Variants in HSF2BP observed in about 807,000 individuals in gnomAD.
HSF2BP encodes heat shock transcription factor 2 binding protein.
HSF2BP carries 35 observed loss-of-function variants against 35.0 expected under a neutral mutation model. That is an observed-to-expected ratio of 1.00 (90% CI 0.76 to 1.32). The LOEUF (loss-of-function observed/expected upper bound fraction) is 1.32, where lower values mean the gene tolerates loss of function less well. Ranked by LOEUF, HSF2BP falls within the 40% of genes most tolerant of loss-of-function variation. The probability of loss-of-function intolerance (pLI) is 0.00; values close to 1 mark genes in which losing one functional copy is unlikely to be tolerated. For missense variants in HSF2BP, 326 were observed against 321.7 expected (o/e 1.01, Z -0.10); for synonymous variants, 114 against 117.4 (o/e 0.97, Z 0.18).
At chr21:43,601,340 G>C (rs927506008) in intron 7 of HSF2BP, among the ~76,000 whole-genome samples, 2 of 152,086 alleles carry the variant, frequency 1.3e-5, no homozygotes, top group Non-Finnish European at 2.9e-5. Flanking sequence ...CACCGAAAAG[G>C]CATCTTATTA....
intron 4 of HSF2BP, 91 bp downstream of exon 4, chr21:43,644,198 A>C: frequency 1.1e-6 from 1 of 875,226 alleles, no homozygotes. Context: ...ATTAAGAGTA[A>C]AAAATTCAGT....
At chr21:43,467,990 C>CACACCA in the HSF2BP span, among the ~76,000 whole-genome samples, 2 of 76,906 alleles carry the variant, frequency 2.6e-5, no homozygotes, top group African/African-American at 1.2e-4. Context: ...CACACCACAC[C>CACACCA]CACACACACC....
chr21:43,594,005 G>T (rs1302702827), intron 7 of HSF2BP, among the ~76,000 whole-genome samples: 3 of 152,048 alleles, frequency 2.0e-5, no homozygotes, highest in Non-Finnish European at 4.4e-5. Context: ...TCAAACTTTA[G>T]AAAATTAAAG....
At chr21:43,595,726 A>ATTTTTTTT (rs770855952) in intron 7 of HSF2BP, among the ~76,000 whole-genome samples, 1,580 of 58,464 alleles carry the variant, frequency 0.027, 467 homozygotes, top group Middle Eastern at 0.05. Flanking sequence ...TAAGAGGCTA[A>ATTTTTTTT]TTTTTTTTTT....
chr21:43,602,650 G>C (rs1450418814), intron 7 of HSF2BP, among the ~76,000 whole-genome samples: 7 of 152,180 alleles, frequency 4.6e-5, no homozygotes, highest in African/African-American at 1.7e-4. Flanking sequence ...CCTGTGCCTG[G>C]ATGAGAAAAC....
chr21:43,607,223 G>A (rs564687625), intron 7 of HSF2BP, among the ~76,000 whole-genome samples: 10 of 151,968 alleles, frequency 6.6e-5, no homozygotes, highest in South Asian at 4.2e-4. Flanking sequence ...TCAGCAGGTC[G>A]AGGCTGCAGT....
intron 4 of HSF2BP, among the ~76,000 whole-genome samples, chr21:43,638,179 G>A (rs934238655): frequency 1.3e-5 from 2 of 152,148 alleles, no homozygotes; most frequent in African/African-American, 4.8e-5. Flanking sequence ...GACTACAGGG[G>A]CCGGGTGCGG....
intron 7 of HSF2BP, among the ~76,000 whole-genome samples, chr21:43,601,722 C>A (rs1042203391): frequency 2.6e-5 from 4 of 152,074 alleles, no homozygotes; most frequent in African/African-American, 7.2e-5. Context: ...GTTCACAGGC[C>A]CCAAATGACT....
chr21:43,580,967 C>T (rs1255349688), intron 8 of HSF2BP, among the ~76,000 whole-genome samples: 1 of 152,158 alleles, frequency 6.6e-6, no homozygotes, highest in African/African-American at 2.4e-5. Flanking sequence ...AAATGCCAGA[C>T]ACTGAAGGGA....
intron 3 of HSF2BP, among the ~76,000 whole-genome samples, chr21:43,652,316 T>G (rs2082798372): frequency 6.8e-6 from 1 of 146,902 alleles, no homozygotes; most frequent in African/African-American, 2.5e-5. Flanking sequence ...GGCAGGAGAA[T>G]AGCTTGAACC....
intron 4 of HSF2BP, among the ~76,000 whole-genome samples, chr21:43,640,792 A>AT (rs1179082608): frequency 6.6e-6 from 1 of 151,432 alleles, no homozygotes; most frequent in African/African-American, 2.5e-5. Flanking sequence ...GGACCAAAAA[A>AT]TTTTAACCAA....
intron 3 of HSF2BP, 141 bp downstream of exon 3, chr21:43,656,442 CCTTT>C: frequency 1.3e-6 from 1 of 788,432 alleles, no homozygotes. Flanking sequence ...AGGAAACCTC[CCTTT>C]CTTAGGTCAT....
chr21:43,653,994 G>A lies in HSF2BP; in HGVS notation c.187+2593C>T, dbSNP rs115144935. On this transcript the variant is annotated intron_variant, in intron 3 of 8. Transcript: ENST00000291560. ...GTAAGACAGGGGCAGGGAACAGATA[G>A]CATGAGGCAGATATGACAACAGGAA... is the stretch of plus-strand genomic sequence containing the variant. Among the ~76,000 whole-genome samples, 1,497 of 152,194 alleles carry A rather than the reference G, an allele frequency of 9.8e-3. 21 individuals carry two copies. The highest frequency in any genetic ancestry group is 0.033 in the African/African-American group (1,357 of 41,504).
chr21:43,593,180 G>A (rs779936271), intron 7 of HSF2BP, among the ~76,000 whole-genome samples: 1 of 152,124 alleles, frequency 6.6e-6, no homozygotes, highest in African/African-American at 2.4e-5. Flanking sequence ...CAGAGGGACC[G>A]AGCGAAAAGC....
chr21:43,642,864 A>G (rs1219592741), intron 4 of HSF2BP, among the ~76,000 whole-genome samples: 1 of 132,182 alleles, frequency 7.6e-6, no homozygotes, highest in Non-Finnish European at 1.5e-5. Flanking sequence ...CAGTGGCACG[A>G]TTTCGGCTCA....
chr21:43,634,909 A>G (rs1408386885), intron 4 of HSF2BP, among the ~76,000 whole-genome samples: 1 of 152,178 alleles, frequency 6.6e-6, no homozygotes, highest in East Asian at 1.9e-4. Context: ...AGCTTTTCTC[A>G]CAACTTAAGC....
At chr21:43,499,881 C>T in the HSF2BP span, among the ~76,000 whole-genome samples, 2 of 108,568 alleles carry the variant, frequency 1.8e-5, 1 homozygote, top group Non-Finnish European at 3.8e-5. Flanking sequence ...ACTACATGCA[C>T]ACATATCACA....
At chr21:43,605,963 A>C (rs2146877727) in intron 7 of HSF2BP, among the ~76,000 whole-genome samples, 1 of 152,268 alleles carries the variant, frequency 6.6e-6, no homozygotes, top group East Asian at 1.9e-4. Flanking sequence ...GAGAAGAAAA[A>C]GCAAAGGGGA....
rs145460465 is a variant in HSF2BP at position 43,656,165 on chromosome 21, A to T, written c.187+422T>A. On this transcript the variant is annotated intron_variant, in intron 3 of 8. Coordinates refer to ENST00000291560, the MANE Select transcript of HSF2BP (RefSeq NM_007031.2). ...GAAAGCCTAAACTTCAATCAGTTCT[A>T]GATACTGGCTCACCCATCCACCTAA... Among the ~76,000 whole-genome samples the T allele has an allele frequency of 1.1e-3, 160 of 152,358 alleles. 1 individual carries two copies. The East Asian group carries it at 0.029, about 27-fold the overall frequency.
Sources: gnomAD v4.1 joint callset for allele counts (sites outside exome capture counted in the v4.1 genomes callset) on GRCh38, gnomAD v4.1.1 for gene constraint, MANE v1.5 for transcripts, NCBI Gene and HGNC (gene_info 2026-07-23, HGNC 2026-07-21) for gene names.